The following ASB4 variants were observed in gnomAD, a reference collection of about 807,000 sequenced individuals.
ASB4 encodes the protein ankyrin repeat and SOCS box containing 4.
ASB4 carries 35 observed loss-of-function variants against 38.6 expected under a neutral mutation model. That is an observed-to-expected ratio of 0.91 (90% CI 0.69 to 1.20). The LOEUF (loss-of-function observed/expected upper bound fraction) is 1.20, where lower values mean the gene tolerates loss of function less well. Among genes scored for constraint, ASB4 ranks in the 50% most tolerant of loss-of-function variants. The probability of loss-of-function intolerance (pLI) is 0.00; values close to 1 mark genes in which losing one functional copy is unlikely to be tolerated. For missense variants in ASB4, 557 were observed against 527.2 expected, an observed-to-expected ratio of 1.06 and a Z score of -0.55; for synonymous variants, 195 against 201.3, an observed-to-expected ratio of 0.97 and a Z score of 0.26.
At chr7:95,477,692 CT>C (rs1328220892), upstream of ASB4, among the ~76,000 whole-genome samples, 1 of 149,128 alleles carries the variant, frequency 6.7e-6, no homozygotes, top group Non-Finnish European at 1.5e-5. Context: ...GGCCTCAGTA[CT>C]TTTTTTCTTA....
At chr7:95,535,828 G>A (rs932951702) in intron 3 of ASB4, among the ~76,000 whole-genome samples, 1 of 152,154 alleles carries the variant, frequency 6.6e-6, no homozygotes, top group Non-Finnish European at 1.5e-5. Flanking sequence ...TGCAGGCATT[G>A]GACTGGGAAG....
chr7:95,508,560 G>A (rs1486992188), intron 2 of ASB4, among the ~76,000 whole-genome samples: 1 of 152,118 alleles, frequency 6.6e-6, no homozygotes, highest in South Asian at 2.1e-4. Flanking sequence ...ATTGAGTTTT[G>A]ATGTTTGCCT....
intron 2 of ASB4, among the ~76,000 whole-genome samples, chr7:95,497,300 A>G (rs1790265032): frequency 6.6e-6 from 1 of 152,192 alleles, no homozygotes; most frequent in African/African-American, 2.4e-5. Flanking sequence ...GTGAGAGAAG[A>G]TGGTGGCTTG....
chr7:95,508,769 T>C (rs973194228), intron 2 of ASB4, among the ~76,000 whole-genome samples: 15 of 151,970 alleles, frequency 9.9e-5, no homozygotes, highest in African/African-American at 3.4e-4. Context: ...AATGATAAAA[T>C]ATGGAACTAA....
chr7:95,480,930 T>A (rs1458916135), upstream of ASB4, among the ~76,000 whole-genome samples: 1 of 152,222 alleles, frequency 6.6e-6, no homozygotes, highest in Non-Finnish European at 1.5e-5. Context: ...CTTACTAGAT[T>A]ACTCAGTGAT....
chr7:95,484,970 G>C (rs1315284098), upstream of ASB4, among the ~76,000 whole-genome samples: 2 of 145,098 alleles, frequency 1.4e-5, no homozygotes, highest in African/African-American at 5.0e-5. Flanking sequence ...ATATATGTGT[G>C]TATATATGTA....
intron 3 of ASB4, among the ~76,000 whole-genome samples, chr7:95,532,497 G>A (rs1248899256): frequency 6.6e-6 from 1 of 152,102 alleles, no homozygotes; most frequent in Non-Finnish European, 1.5e-5. Context: ...TTCTAGAGGA[G>A]GAAAAGGTAA....
chr7:95,515,178 T>TTTCA (rs1790542744), intron 2 of ASB4, among the ~76,000 whole-genome samples: 1 of 91,918 alleles, frequency 1.1e-5, no homozygotes, highest in Non-Finnish European at 2.3e-5. Flanking sequence ...TCTTTCTTTC[T>TTTCA]TTCTTTCTTT....
chr7:95,530,360 G>A (rs1167718894), intron 3 of ASB4, among the ~76,000 whole-genome samples: 2 of 152,176 alleles, frequency 1.3e-5, no homozygotes, highest in African/African-American at 4.8e-5. Context: ...AGCTACTTGG[G>A]AGGCTGAGGC....
chr7:95,481,897 A>G (rs764158961), upstream of ASB4, among the ~76,000 whole-genome samples: 11 of 152,186 alleles, frequency 7.2e-5, no homozygotes, highest in Admixed American at 7.2e-4. Context: ...GAGAGTTTTC[A>G]TTTTTAAGAG....
intron 2 of ASB4, among the ~76,000 whole-genome samples, chr7:95,500,958 T>C (rs1790328068): frequency 6.6e-6 from 1 of 152,204 alleles, no homozygotes; most frequent in Admixed American, 6.5e-5. Context: ...ACTCACATTT[T>C]CTATGTGTAG....
At chr7:95,521,123 A>G (rs1214897849) in intron 2 of ASB4, among the ~76,000 whole-genome samples, 1 of 152,136 alleles carries the variant, frequency 6.6e-6, no homozygotes, top group Non-Finnish European at 1.5e-5. Context: ...CTTTCCATTT[A>G]TTGAGTCTTT....
rs576142913 is a variant in ASB4, at chr7:95,538,575, G to A, written c.*816G>A. The A allele has an allele frequency of 8.9e-4, 136 of 152,324 alleles. No individual in the cohort carries two copies. The highest frequency in any genetic ancestry group is 3.2e-3 in the African/African-American group (131 of 41,572). The allele number at this position is 152,324 out of a possible 1,614,324, so 9.4% of individuals were successfully genotyped here. A position where few individuals can be genotyped will look rare whatever the true frequency, so the allele number is the denominator to read the frequency against. ...AAGTTGTGTTTCTGACATGAAGTGT[G>A]ATTTTTCTTTTAAGCATGAAGTTAA... On this transcript the variant is annotated 3_prime_UTR_variant, in exon 5 of 5. Transcript: ENST00000325885.
At chr7:95,487,571 A>G (rs976074768) in intron 1 of ASB4, among the ~76,000 whole-genome samples, 2 of 152,196 alleles carry the variant, frequency 1.3e-5, no homozygotes, top group Admixed American at 6.5e-5. Flanking sequence ...GGATATAAGA[A>G]ACCAAGTTTT....
At chr7:95,523,727 T>C (rs1460598200) in intron 2 of ASB4, among the ~76,000 whole-genome samples, 3 of 152,212 alleles carry the variant, frequency 2.0e-5, no homozygotes, top group Non-Finnish European at 4.4e-5. Context: ...TTATTAATTG[T>C]AGCATTAATT....
chr7:95,536,406 A>G (rs1790889684), intron 3 of ASB4, 31 bp from the exon 4 acceptor site: 2 of 1,391,490 alleles, frequency 1.4e-6, no homozygotes, highest in Non-Finnish European at 2.0e-6. Flanking sequence ...TATGTGCATC[A>G]AACAGATGAA....
intron 3 of ASB4, among the ~76,000 whole-genome samples, chr7:95,533,059 C>T (rs1790840566): frequency 6.6e-6 from 1 of 152,226 alleles, no homozygotes; most frequent in African/African-American, 2.4e-5. Context: ...CTTCACTTAA[C>T]AGATTGATGA....
At chr7:95,506,029 G>A (rs1271709281) in intron 2 of ASB4, among the ~76,000 whole-genome samples, 3 of 151,984 alleles carry the variant, frequency 2.0e-5, no homozygotes, top group Non-Finnish European at 2.9e-5. Flanking sequence ...AAGTAGCTGA[G>A]ACTACAGGCA....
upstream of ASB4, among the ~76,000 whole-genome samples, chr7:95,478,157 A>G (rs1388993380): frequency 2.6e-5 from 4 of 152,202 alleles, no homozygotes; most frequent in Non-Finnish European, 4.4e-5. Flanking sequence ...TGCATCATAA[A>G]TTTGTCAAAA....
Sources: gnomAD v4.1 joint callset for allele counts (sites outside exome capture counted in the v4.1 genomes callset) on GRCh38, gnomAD v4.1.1 for gene constraint, MANE v1.5 for transcripts, NCBI Gene and HGNC (gene_info 2026-07-23, HGNC 2026-07-21) for gene names.